POFUT2: variants seen among roughly 807,000 people sequenced by gnomAD.
POFUT2 encodes the protein GDP-fucose protein O-fucosyltransferase 2.
Under a neutral mutation model 55.0 loss-of-function variants are expected in POFUT2, and 30 were observed. That is an observed-to-expected ratio of 0.55 (90% CI 0.41 to 0.74). POFUT2 has a LOEUF of 0.74. Ranked by LOEUF, POFUT2 falls within the 30% of genes least tolerant of loss-of-function variation. POFUT2 has a pLI of 0.00. For synonymous variants in POFUT2, 267 were observed against 231.1 expected, an observed-to-expected ratio of 1.16 and a Z score of -1.41; for missense variants, 524 against 562.6, an observed-to-expected ratio of 0.93 and a Z score of 0.69.
At chr21:45,271,066 A>G (rs2093215761) in intron 6 of POFUT2, among the ~76,000 whole-genome samples, 1 of 152,200 alleles carries the variant, frequency 6.6e-6, no homozygotes, top group African/African-American at 2.4e-5. Context: ...TTGCCAGATA[A>G]AGAATTCCGA....
rs543461114 is a variant in POFUT2, at chr21:45,268,218, C to T, written c.1013-505G>A. On this transcript the variant is annotated intron_variant, in intron 7 of 8. Transcript: ENST00000349485. ...CGGGCCGGTCTCCAGCCCCTAACCG[C>T]GAGTGATCCGCCAGCCTCGGCCTCC... Among the ~76,000 whole-genome samples, 358 of 152,404 alleles carry T rather than the reference C, an allele frequency of 2.3e-3. 1 individual carries two copies. Among genetic ancestry groups the T allele is most frequent in the African/African-American group, 8.2e-3 (340 of 41,598 alleles).
At chr21:45,266,484 G>A (rs2093156080) in intron 8 of POFUT2, 7 of 1,122,000 alleles carry the variant, frequency 6.2e-6, no homozygotes, top group South Asian at 5.7e-5. Context: ...AGCTCAGTGC[G>A]AAGCCTCCCC....
rs777911212 is a variant in POFUT2, at chr21:45,282,888, G to C, written c.528-429C>G. ...GCTTTTCCACAGGAGGCCTGGTAGT[G>C]TCAGAGCCTTTAATGGCAATCGACA... On this transcript the variant is annotated intron_variant, in intron 3 of 8. Coordinates refer to ENST00000349485, the MANE Select transcript of POFUT2 (RefSeq NM_133635.6). The surrounding 1 kb of genome is among the most constrained non-coding windows in gnomAD (Gnocchi z 4.6). The C allele has an allele frequency of 2.1e-6, 1 of 475,924 alleles. No homozygotes were observed. Among genetic ancestry groups the C allele is most frequent in the African/African-American group, 2.0e-5 (1 of 50,382 alleles). 29.5% of individuals were successfully genotyped at this position (475,924 alleles called of 1,614,324 possible).
rs1024972247 is a variant in POFUT2, at chr21:45,277,988, T to A, written c.705+115A>T. ...AGTTGCCCAAATCCATGGCTTAAAA[T>A]GATGGTTTTAATCAGCAAGGTTCAA... On this transcript the variant is annotated intron_variant, in intron 5 of 8. Coordinates refer to ENST00000349485, the MANE Select transcript of POFUT2 (RefSeq NM_133635.6). This position sits in a 1 kb window ranked among gnomAD's most constrained non-coding sequence, Gnocchi z 6.9. The A allele has an allele frequency of 8.8e-6, 8 of 910,828 alleles. No individual in the cohort carries two copies. The Admixed American group carries it at 1.1e-4, about 12-fold the overall frequency. 56.4% of individuals were successfully genotyped at this position (910,828 alleles called of 1,614,324 possible).
intron 8 of POFUT2, chr21:45,266,756 G>A: frequency 4.0e-6 from 4 of 997,272 alleles, no homozygotes; most frequent in Non-Finnish European, 4.8e-6. Flanking sequence ...AGAGGCACCG[G>A]CTCAGGGCGC....
At chr21:45,283,332 A>T in intron 3 of POFUT2, 51 bp downstream of exon 3, 19 of 671,980 alleles carry the variant, frequency 2.8e-5, no homozygotes, top group African/African-American at 1.0e-4. Context: ...CGCATGCGGC[A>T]GGGGGAGGTG....
At chr21:45,266,815 C>A (rs1017057956) in intron 8 of POFUT2, 2 of 998,616 alleles carry the variant, frequency 2.0e-6, no homozygotes, top group South Asian at 4.4e-5. Context: ...CAGAGACGCA[C>A]GCGTGTGCAC....
chr21:45,270,125 G>T lies in POFUT2; in HGVS notation c.832-106C>A. 1 of 859,638 alleles carries T rather than the reference G, an allele frequency of 1.2e-6. No individual in the cohort carries two copies. Among genetic ancestry groups the T allele is most frequent in the Non-Finnish European group, 1.7e-6 (1 of 604,768 alleles). The allele number at this position is 859,638 out of a possible 1,614,324, so 53.3% of individuals were successfully genotyped here. The stretch of plus-strand genomic sequence containing the variant: ...GCAGAGGGATGACCCTTTCCATGTG[G>T]CCTCCTCCACGGGGTGGCTCCAGGG... On this transcript the variant is annotated intron_variant, in intron 6 of 8. Transcript: ENST00000349485. This position sits in a 1 kb window ranked among gnomAD's most constrained non-coding sequence, Gnocchi z 4.6.
rs959877843 is a variant in POFUT2, at chr21:45,264,210, CCCT to C, written c.*1269_*1271del. ...GGCTCCGAAAGGAAGAGCTGTCTGT[CCCT>C]CCTAACTGTCCTCTCTCTGTCACAG... On this transcript the variant is annotated 3_prime_UTR_variant, in exon 9 of 9. Coordinates refer to ENST00000349485, the MANE Select transcript of POFUT2 (RefSeq NM_133635.6). 2 of 117,276 alleles carry C rather than the reference CCCT, an allele frequency of 1.7e-5. No individual in the cohort carries two copies. The highest frequency in any genetic ancestry group is 7.6e-5 in the Admixed American group (1 of 13,164). The allele number at this position is 117,276 out of a possible 1,614,324, so 7.3% of individuals were successfully genotyped here.
rs184203225 is a variant in POFUT2 at position 45,284,116 on chromosome 21, G to A, written c.383-589C>T. On this transcript the variant is annotated intron_variant, in intron 2 of 8. Transcript: ENST00000349485. The surrounding 1 kb of genome is among the most constrained non-coding windows in gnomAD (Gnocchi z 5.8). ...CTCAAAGGCAGCAGGAATAAAGCGGGAGGGAGCACCGCGCAGGTGAAGTTC... is the reference window on the plus strand; with the variant it reads ...CTCAAAGGCAGCAGGAATAAAGCGGAAGGGAGCACCGCGCAGGTGAAGTTC... 3.9e-5 allele frequency among the ~76,000 whole-genome samples: 6 copies of A among 151,940 alleles called. No individual in the cohort carries two copies. The Admixed American group carries it at 4.0e-4, about 10-fold the overall frequency.
chr21:45,285,548 C>T lies in POFUT2; in HGVS notation c.382+130G>A. ...AGGTGCTGCCACAGGCCTCAGGCAG[C>T]AGCACTGGGCACTGGAGGATGCTGG... is the stretch of plus-strand genomic sequence containing the variant. On this transcript the variant is annotated intron_variant, in intron 2 of 8. Transcript: ENST00000349485. The surrounding 1 kb of genome is among the most constrained non-coding windows in gnomAD (Gnocchi z 4.9). 1 of 1,098,506 alleles carries T rather than the reference C, an allele frequency of 9.1e-7. No homozygotes were observed. Among genetic ancestry groups the T allele is most frequent in the Non-Finnish European group, 1.4e-6 (1 of 735,164 alleles). 68.0% of individuals were successfully genotyped at this position (1,098,506 alleles called of 1,614,324 possible).
At chr21:45,287,634 G>C in intron 1 of POFUT2, 107 bp downstream of exon 1, 1 of 1,039,484 alleles carries the variant, frequency 9.6e-7, no homozygotes, top group Non-Finnish European at 1.2e-6. Context: ...GCCTGCCCCT[G>C]ACCCCATCCC....
In POFUT2 at chr21:45,264,735, G is replaced by C. The variant is rs2093139241; in HGVS notation, c.*747C>G. ...AGGGAGGGGTGGCCAGTGGGGGCGA[G>C]GGTGGGTGGCCAGCCGGGCCTGGTG... is the stretch of plus-strand genomic sequence containing the variant. On this transcript the variant is annotated 3_prime_UTR_variant, in exon 9 of 9. Transcript: ENST00000349485. 1.3e-5 allele frequency: 2 copies of C among 152,452 alleles called. No homozygotes were observed. Among genetic ancestry groups the C allele is most frequent in the African/African-American group, 4.8e-5 (2 of 41,318 alleles). The allele number at this position is 152,452 out of a possible 1,614,324, so 9.4% of individuals were successfully genotyped here. A position where few individuals can be genotyped will look rare whatever the true frequency, so the allele number is the denominator to read the frequency against.
At chr21:45,276,983 C>T (rs776826713) in intron 6 of POFUT2, 34 bp downstream of exon 6, 2 of 1,610,538 alleles carry the variant, frequency 1.2e-6, no homozygotes, top group Non-Finnish European at 1.7e-6. Context: ...GAGACTTTAC[C>T]TTTTCTCTAA....
intron 7 of POFUT2, among the ~76,000 whole-genome samples, chr21:45,268,146 A>G (rs1432402825): frequency 6.6e-6 from 1 of 151,984 alleles, no homozygotes; most frequent in African/African-American, 2.4e-5. Flanking sequence ...GGCACGCGCC[A>G]CCACGCCTGA....
chr21:45,266,044 T>C, intron 8 of POFUT2: 1 of 1,226,072 alleles, frequency 8.2e-7, no homozygotes, highest in Non-Finnish European at 1.0e-6. Context: ...AGCCAGGGCA[T>C]GGCGGGTCCT....
intron 6 of POFUT2, among the ~76,000 whole-genome samples, chr21:45,273,365 A>C (rs1316335986): frequency 6.6e-6 from 1 of 152,196 alleles, no homozygotes; most frequent in Non-Finnish European, 1.5e-5. Context: ...GACCAATAAC[A>C]AGTAGTGAGA....
rs751973027 is a variant in POFUT2, at chr21:45,282,384, G to A, written c.603C>T (p.Ile201=). The change falls in exon 4 of 9, where the codon ATC becomes ATT. Residue 201 remains isoleucine, a synonymous_variant. Coordinates refer to ENST00000349485, the MANE Select transcript of POFUT2 (RefSeq NM_133635.6). This position sits in a 1 kb window ranked among gnomAD's most constrained non-coding sequence, Gnocchi z 4.6. ...SCLSVQGSAS[I]VAPLLLRNTS... is the part of the protein sequence containing the mutation. ...TGTTTCTCAGCAGCAGGGGCGCCAC[G>A]ATGGAGGCTGAGCCCTGGACGGACA... 1.5e-5 allele frequency: 25 copies of A among 1,613,440 alleles called. No homozygotes were observed. Among genetic ancestry groups the A allele is most frequent in the East Asian group, 8.9e-5 (4 of 44,874 alleles).
intron 1 of POFUT2, among the ~76,000 whole-genome samples, chr21:45,287,216 C>T (rs1392763525): frequency 1.6e-4 from 20 of 128,730 alleles, no homozygotes; most frequent in Middle Eastern, 8.2e-3. Context: ...CCTGCCCCTG[C>T]CCCTGTCCCG....
Sources: allele counts gnomAD v4.1 joint callset (sites outside exome capture counted in the v4.1 genomes callset), GRCh38; gene constraint gnomAD v4.1.1; non-coding constraint Gnocchi (gnomAD v3.1); transcripts MANE v1.5; gene names NCBI Gene and HGNC (gene_info 2026-07-23, HGNC 2026-07-21).